The following GABRA1 variants were observed in gnomAD, a reference collection of about 807,000 sequenced individuals.
GABRA1 encodes gamma-aminobutyric acid receptor subunit alpha-1.
A neutral mutation model predicts 48.9 loss-of-function variants in GABRA1; 9 were observed. That is an observed-to-expected ratio of 0.18 (90% confidence interval 0.11 to 0.32). GABRA1 has a LOEUF of 0.32. Among genes scored for constraint, GABRA1 ranks in the 10% least tolerant of loss-of-function variants. The probability of loss-of-function intolerance (pLI) is 1.00; values close to 1 mark genes in which losing one functional copy is unlikely to be tolerated. For missense variants in GABRA1, 285 were observed against 553.8 expected, an observed-to-expected ratio of 0.51 and a Z score of 4.87; for synonymous variants, 210 against 198.7, an observed-to-expected ratio of 1.06 and a Z score of -0.48.
At chr5:161,867,339 C>T (rs1041896550) in intron 4 of GABRA1, among the ~76,000 whole-genome samples, 1 of 152,048 alleles carries the variant, frequency 6.6e-6, no homozygotes, top group African/African-American at 2.4e-5. Flanking sequence ...GCCTGTATTC[C>T]CATAAATGAT....
intron 9 of GABRA1, 129 bp downstream of exon 9, chr5:161,895,997 T>G: frequency 1.2e-6 from 1 of 801,358 alleles, no homozygotes; most frequent in Non-Finnish European, 2.1e-6. Context: ...TCTTATGTCG[T>G]AAACAATTAA....
At chr5:161,848,944 T>C in intron 1 of GABRA1, 2 of 455,008 alleles carry the variant, frequency 4.4e-6, no homozygotes, top group Non-Finnish European at 8.8e-6. Context: ...CCCTTTCCAG[T>C]GGACGCTGGT....
At chr5:161,896,646 G>C (rs1370216495) in intron 9 of GABRA1, among the ~76,000 whole-genome samples, 1 of 152,262 alleles carries the variant, frequency 6.6e-6, no homozygotes, top group East Asian at 1.9e-4. Context: ...TCTAGAAGGA[G>C]TCACTTGACA....
Position 161,898,409 on chromosome 5 carries a change from T to A in GABRA1, c.*987T>A, listed in dbSNP as rs1046912304. ...ATGACTAGCAAACAAAAATAGAATATATAAACGATATATGTAAATATACAG... is the reference window on the plus strand; with the variant it reads ...ATGACTAGCAAACAAAAATAGAATAAATAAACGATATATGTAAATATACAG... On this transcript the variant is annotated 3_prime_UTR_variant, in exon 10 of 10. Transcript: ENST00000393943. 6.5e-6 allele frequency: 1 copy of A among 152,688 alleles called. No homozygotes were observed. The highest frequency in any genetic ancestry group is 2.1e-4 in the South Asian group (1 of 4,832). 9.5% of individuals were successfully genotyped at this position (152,688 alleles called of 1,614,324 possible).
rs1561580081 is a variant in GABRA1, at chr5:161,882,580, T to C, written c.582T>C (p.Val194=). ...TAGATGCTTATACAAGAGCAGAAGT[T>C]GTTTATGAATGGACCAGAGAGCCAG... The part of the protein sequence containing the change: ...FGSYAYTRAE[V]VYEWTREPAR... Residue 194 remains valine, a synonymous_variant, in exon 7 of 10, where the codon GTT becomes GTC. Coordinates refer to ENST00000393943, the MANE Select transcript of GABRA1 (RefSeq NM_001127644.2). The C allele has an allele frequency of 6.2e-7, 1 of 1,613,578 alleles. No individual in the cohort carries two copies. Among genetic ancestry groups the C allele is most frequent in the Admixed American group, 1.7e-5 (1 of 59,892 alleles).
At chr5:161,884,739 T>C (rs180748562) in intron 7 of GABRA1, among the ~76,000 whole-genome samples, 78 of 152,276 alleles carry the variant, frequency 5.1e-4, no homozygotes, top group South Asian at 1.4e-3. Context: ...TCAAATGCAG[T>C]AGTATGCAGG....
intron 2 of GABRA1, among the ~76,000 whole-genome samples, chr5:161,852,095 A>T (rs184666013): frequency 6.6e-6 from 1 of 152,230 alleles, no homozygotes. Flanking sequence ...AGTAAGTTAG[A>T]AGTAAAGATG....
chr5:161,873,383 T>C (rs1283653618), intron 5 of GABRA1, 46 bp downstream of exon 5: 12 of 1,438,026 alleles, frequency 8.3e-6, no homozygotes, highest in Non-Finnish European at 1.2e-5. Flanking sequence ...TGTACTTCAT[T>C]CCCTTCCACT....
intron 7 of GABRA1, among the ~76,000 whole-genome samples, chr5:161,889,929 C>T (rs17059797): frequency 0.071 from 10,808 of 151,952 alleles, 435 homozygotes; most frequent in South Asian, 0.12. Flanking sequence ...GTGGCAGAAT[C>T]GCACATGTGA....
chr5:161,889,869 T>C lies in GABRA1; in HGVS notation c.704-1029T>C, dbSNP rs77445936. Among the ~76,000 whole-genome samples, 2,313 of 152,036 alleles carry C rather than the reference T, an allele frequency of 0.015. 118 individuals are homozygous for C. In the East Asian group the frequency reaches 0.2, roughly 13 times the overall value. ...CAATAGTGCTGAGGTTGAGAAAGCC[T>C]AATGCTGCTAATCAGTCTCCATTAA... On this transcript the variant is annotated intron_variant, in intron 7 of 9. Coordinates refer to ENST00000393943, the MANE Select transcript of GABRA1 (RefSeq NM_001127644.2).
chr5:161,889,685 T>G (rs1341539474), intron 7 of GABRA1, among the ~76,000 whole-genome samples: 1 of 152,056 alleles, frequency 6.6e-6, no homozygotes, highest in Non-Finnish European at 1.5e-5. Context: ...GGAAGTTTGC[T>G]TGTTACTTTG....
At chr5:161,867,228 GTT>G (rs908393981) in intron 4 of GABRA1, among the ~76,000 whole-genome samples, 18 of 152,244 alleles carry the variant, frequency 1.2e-4, no homozygotes, top group African/African-American at 4.3e-4. Context: ...ATTCTCTCAT[GTT>G]GGAACTCAGT....
chr5:161,880,809 T>C (rs1407262775), intron 6 of GABRA1, among the ~76,000 whole-genome samples: 1 of 152,160 alleles, frequency 6.6e-6, no homozygotes, highest in African/African-American at 2.4e-5. Context: ...TCAGACAGCC[T>C]TATTTTCATG....
intron 5 of GABRA1, 47 bp from the exon 6 acceptor site, chr5:161,875,513 G>C: frequency 1.4e-6 from 2 of 1,413,014 alleles, no homozygotes; most frequent in East Asian, 2.3e-5. Flanking sequence ...TTATCAAGAA[G>C]TATCTAATCT....
chr5:161,849,588 G>T (rs1467105290), intron 1 of GABRA1, among the ~76,000 whole-genome samples: 3 of 152,020 alleles, frequency 2.0e-5, no homozygotes, highest in Non-Finnish European at 1.5e-5. Flanking sequence ...GATTTCCCGA[G>T]ACTGCAGAAA....
chr5:161,872,477 C>A (rs1754162038), intron 4 of GABRA1, among the ~76,000 whole-genome samples: 1 of 151,938 alleles, frequency 6.6e-6, no homozygotes, highest in Non-Finnish European at 1.5e-5. Flanking sequence ...TATTTTTGTT[C>A]TTTTTCTTTT....
At chr5:161,874,234 C>T (rs1332855743) in intron 5 of GABRA1, among the ~76,000 whole-genome samples, 1 of 151,882 alleles carries the variant, frequency 6.6e-6, no homozygotes, top group Non-Finnish European at 1.5e-5. Context: ...GAGAAAGCTG[C>T]CAGAATGCCT....
In GABRA1 at chr5:161,868,608, A is replaced by G. The variant is rs112325359; in HGVS notation, c.255+2820A>G. 6.5e-3 allele frequency among the ~76,000 whole-genome samples: 996 copies of G among 152,194 alleles called. 6 individuals are homozygous for G. Among genetic ancestry groups the G allele is most frequent in the African/African-American group, 0.022 (928 of 41,548 alleles). On this transcript the variant is annotated intron_variant, in intron 4 of 9. Transcript: ENST00000393943. Reference sequence around the variant, plus strand: ...CAATACTCATCTTACTACTTATAATAATGTAAAATTTGCTTAATGGCCATT... The same window carrying G: ...CAATACTCATCTTACTACTTATAATGATGTAAAATTTGCTTAATGGCCATT...
chr5:161,876,722 A>G (rs954876561), intron 6 of GABRA1, among the ~76,000 whole-genome samples: 1 of 152,142 alleles, frequency 6.6e-6, no homozygotes, highest in Non-Finnish European at 1.5e-5. Context: ...TCCCAATTTA[A>G]TATACATTCC....
Sources: gnomAD v4.1 joint callset for allele counts (sites outside exome capture counted in the v4.1 genomes callset) on GRCh38, gnomAD v4.1.1 for gene constraint, MANE v1.5 for transcripts, NCBI Gene and HGNC (gene_info 2026-07-23, HGNC 2026-07-21) for gene names.